Variants in ATP6V1C2 observed in about 807,000 individuals in gnomAD.
ATP6V1C2 encodes V-type proton ATPase subunit C 2.
In ATP6V1C2, 45 loss-of-function variants were observed where a neutral mutation model predicts 56.8. The ratio of observed to expected loss-of-function variants is 0.79; its 90% CI spans 0.62 to 1.02. The LOEUF (loss-of-function observed/expected upper bound fraction) is 1.02, where lower values mean the gene tolerates loss of function less well. Among genes scored for constraint, ATP6V1C2 ranks in the 50% least tolerant of loss-of-function variants. ATP6V1C2 has a pLI of 0.00. For missense variants in ATP6V1C2, 463 were observed against 519.7 expected, an observed-to-expected ratio of 0.89 and a Z score of 1.06; for synonymous variants, 220 against 201.3, an observed-to-expected ratio of 1.09 and a Z score of -0.79.
At chr2:10,775,467 C>T (rs894298079) in intron 10 of ATP6V1C2, among the ~76,000 whole-genome samples, 1 of 152,158 alleles carries the variant, frequency 6.6e-6, no homozygotes, top group East Asian at 1.9e-4. Context: ...GGGCTCCAGG[C>T]GGGAGCATCT....
chr2:10,766,356 C>T (rs955928620), intron 5 of ATP6V1C2, among the ~76,000 whole-genome samples: 1 of 152,188 alleles, frequency 6.6e-6, no homozygotes, highest in Non-Finnish European at 1.5e-5. Flanking sequence ...AAAGGAGACT[C>T]CTCTATCATC....
intron 3 of ATP6V1C2, among the ~76,000 whole-genome samples, chr2:10,732,967 C>CAAAAAA (rs34565390): frequency 7.9e-6 from 1 of 126,104 alleles, no homozygotes; most frequent in African/African-American, 2.9e-5. Flanking sequence ...AAGACTGTCT[C>CAAAAAA]AAAAAAAAAA....
At chr2:10,750,658 C>T (rs1663157246) in intron 3 of ATP6V1C2, among the ~76,000 whole-genome samples, 1 of 152,174 alleles carries the variant, frequency 6.6e-6, no homozygotes, top group Non-Finnish European at 1.5e-5. Context: ...TGCCAGAATT[C>T]ATTGATTCAT....
intron 13 of ATP6V1C2, 83 bp downstream of exon 13, chr2:10,782,458 C>A: frequency 1.4e-6 from 2 of 1,470,162 alleles, no homozygotes; most frequent in Non-Finnish European, 1.9e-6. Context: ...GTAATCCCAA[C>A]ACTTTGGGAG....
intron 3 of ATP6V1C2, among the ~76,000 whole-genome samples, chr2:10,742,666 G>GC (rs1235629430): frequency 6.6e-6 from 1 of 152,132 alleles, no homozygotes; most frequent in Non-Finnish European, 1.5e-5. Flanking sequence ...GATCTCAGGA[G>GC]CCCCCCTCAC....
intron 3 of ATP6V1C2, 63 bp downstream of exon 3, chr2:10,726,632 T>C: frequency 6.8e-7 from 1 of 1,472,294 alleles, no homozygotes; most frequent in Non-Finnish European, 9.5e-7. Context: ...GAGGACACAG[T>C]GTTCTTGCTT....
rs1000751526 is a variant in ATP6V1C2, at chr2:10,769,603, C to T, written c.470+793C>T. On this transcript the variant is annotated intron_variant, in intron 6 of 13. Coordinates refer to ENST00000272238, the MANE Select transcript of ATP6V1C2 (RefSeq NM_001039362.2). ...TCTGTACTTCTAGCTACTTGGGAGG[C>T]TGAGGCACGAGGATCACTTGAACCT... Among the ~76,000 whole-genome samples, 4 of 152,140 alleles carry T rather than the reference C, an allele frequency of 2.6e-5. No individual in the cohort carries two copies. In the East Asian group the frequency reaches 7.7e-4, roughly 29 times the overall value.
rs1663374837 is a variant in ATP6V1C2, at chr2:10,754,033, G to C, written c.250G>C (p.Gly84Arg). 6.2e-7 allele frequency: 1 copy of C among 1,607,656 alleles called. No homozygotes were observed. The highest frequency in any genetic ancestry group is 1.3e-5 in the African/African-American group (1 of 74,752). ...GGTGGAAGTCATGGAGGACTCAAAG[G>C]GGAAGGTCCAGGAGCACCTCCTGGC... is the stretch of plus-strand genomic sequence containing the variant. ...SVVEVMEDSK[G>R]KVQEHLLANG... Residue 84 changes from glycine to arginine, a missense_variant, in exon 4 of 14, where the codon GGG becomes CGG. By Grantham distance (125) the Gly-to-Arg change is moderately radical. Transcript: ENST00000272238.
At chr2:10,726,615 G>T (rs763281382) in intron 3 of ATP6V1C2, 46 bp downstream of exon 3, 5 of 1,512,252 alleles carry the variant, frequency 3.3e-6, no homozygotes, top group Non-Finnish European at 4.6e-6. Flanking sequence ...ATTTGACATT[G>T]TTGTCAGAGG....
chr2:10,769,929 C>A (rs55906240), intron 6 of ATP6V1C2: 29,946 of 151,958 alleles, frequency 0.2, 3,187 homozygotes, highest in African/African-American at 0.25. Flanking sequence ...AGGGAAGTGG[C>A]GCAGGGAGCC....
chr2:10,774,965 T>C lies in ATP6V1C2; in HGVS notation c.732-13T>C, dbSNP rs1224902871. The C allele has an allele frequency of 6.2e-7, 1 of 1,613,714 alleles. No homozygotes were observed. The highest frequency in any genetic ancestry group is 8.5e-7 in the Non-Finnish European group (1 of 1,179,646). On this transcript the variant is annotated splice_polypyrimidine_tract_variant and intron_variant, in intron 9 of 13. Transcript: ENST00000272238. ...AGCTTCTGAGTGAAAACCCATGATT[T>C]GCTTGTTTTAAGGTTCACTGTTCGT...
chr2:10,777,289 G>T (rs1253725440), intron 10 of ATP6V1C2, among the ~76,000 whole-genome samples: 1 of 152,216 alleles, frequency 6.6e-6, no homozygotes, highest in Non-Finnish European at 1.5e-5. Context: ...TGCGATGGGG[G>T]TCCTGGCTGA....
intron 2 of ATP6V1C2, among the ~76,000 whole-genome samples, chr2:10,724,068 T>C (rs1266434903): frequency 6.6e-6 from 1 of 151,940 alleles, no homozygotes; most frequent in African/African-American, 2.4e-5. Flanking sequence ...GGCCACACAA[T>C]TATTTTACTT....
intron 3 of ATP6V1C2, among the ~76,000 whole-genome samples, chr2:10,753,056 A>C (rs1663311599): frequency 6.6e-6 from 1 of 152,222 alleles, no homozygotes; most frequent in South Asian, 2.1e-4. Context: ...GGTAATTGGC[A>C]GAGTTGTGGC....
intron 4 of ATP6V1C2, among the ~76,000 whole-genome samples, chr2:10,756,795 T>C (rs59614694): frequency 0.18 from 27,738 of 151,998 alleles, 3,168 homozygotes; most frequent in African/African-American, 0.32. Flanking sequence ...CCTAGGTGTG[T>C]AGTAGGCGAT....
chr2:10,721,427 G>A (rs991241732), upstream of ATP6V1C2, among the ~76,000 whole-genome samples: 18 of 152,114 alleles, frequency 1.2e-4, no homozygotes, highest in Non-Finnish European at 2.6e-4. Context: ...GAAGCCCCCA[G>A]GGCCCCGGCC....
chr2:10,751,786 A>G (rs539414824), intron 3 of ATP6V1C2, among the ~76,000 whole-genome samples: 1 of 152,280 alleles, frequency 6.6e-6, no homozygotes, highest in Non-Finnish European at 1.5e-5. Context: ...CGACTCCACT[A>G]AATAATAGGT....
intron 3 of ATP6V1C2, among the ~76,000 whole-genome samples, chr2:10,732,226 CCTCTCCCTCT>C: frequency 6.6e-6 from 1 of 152,036 alleles, no homozygotes; most frequent in South Asian, 2.1e-4. Flanking sequence ...TCCATCCCTC[CCTCTCCCTCT>C]CTCTCTCTCT....
intron 13 of ATP6V1C2, among the ~76,000 whole-genome samples, 173 bp downstream of exon 13, chr2:10,782,548 T>C (rs1156806464): frequency 6.6e-6 from 1 of 151,604 alleles, no homozygotes; most frequent in African/African-American, 2.4e-5. Flanking sequence ...AAAAAAAAAA[T>C]TGGGCTGGGC....
Sources: gnomAD v4.1 joint callset for allele counts (sites outside exome capture counted in the v4.1 genomes callset) on GRCh38, gnomAD v4.1.1 for gene constraint, MANE v1.5 for transcripts, NCBI Gene and HGNC (gene_info 2026-07-23, HGNC 2026-07-21) for gene names.